Variants in ZNF263 observed in about 807,000 individuals in gnomAD.
ZNF263 encodes zinc finger protein FPM315.
In ZNF263, 49 loss-of-function variants were observed where a neutral mutation model predicts 63.1. The ratio of observed to expected loss-of-function variants is 0.78; its 90% CI spans 0.62 to 0.99. The LOEUF is 0.99. ZNF263 is among the 50% of genes least tolerant of loss of function. The pLI is 0.00. For synonymous variants in ZNF263, 352 were observed against 324.2 expected (o/e 1.09, Z -0.92); for missense variants, 872 against 854.8 (o/e 1.02, Z -0.25).
intron 2 of ZNF263, chr16:3,300,726 AGGCATG>A (rs1959916866): frequency 6.8e-7 from 1 of 1,461,748 alleles, no homozygotes; most frequent in Non-Finnish European, 9.0e-7. Flanking sequence ...AAGCCCCAGA[AGGCATG>A]GGCATTGTAT....
Position 3,283,975 on chromosome 16 carries a change from G to C in ZNF263, c.157G>C (p.Ala53Pro), listed in dbSNP as rs1203985165. The change falls in exon 1 of 6, where the codon GCT becomes CCT. Residue 53 changes from alanine (A) to proline (P), a missense_variant. Transcript: ENST00000219069. ...RFRRFRFQEA[A>P]GPREALSRLQ... The stretch of plus-strand genomic sequence containing the variant: ...CAGACGGTTCCGCTTCCAAGAGGCA[G>C]CTGGTCCCCGGGAAGCCCTCAGCCG... 1 of 1,613,976 alleles carries C rather than the reference G, an allele frequency of 6.2e-7. No homozygotes were observed. Among genetic ancestry groups the C allele is most frequent in the Non-Finnish European group, 8.5e-7 (1 of 1,180,018 alleles).
At chr16:3,285,359 T>G (rs1959307029) in intron 2 of ZNF263, 120 bp downstream of exon 2, 2 of 1,218,418 alleles carry the variant, frequency 1.6e-6, no homozygotes, top group Non-Finnish European at 2.2e-6. Context: ...GGTTCTCACC[T>G]GTGGAATGAA....
chr16:3,288,690 G>T lies in ZNF263; in HGVS notation c.886+120G>T, dbSNP rs150609928. 6.4e-4 allele frequency: 404 copies of T among 635,798 alleles called. 1 individual carries two copies. Among genetic ancestry groups the T allele is most frequent in the Admixed American group, 1.1e-3 (35 of 33,084 alleles). The allele number at this position is 635,798 out of a possible 1,614,324, so 39.4% of individuals were successfully genotyped here. A position where few individuals can be genotyped will look rare whatever the true frequency, so the allele number is the denominator to read the frequency against. Reference sequence around the variant, plus strand: ...GATGGAGTGGCACTCTTGTTGCCCAGGCTGGAGTGCAACAGTGCGATCTCG... The same window carrying T: ...GATGGAGTGGCACTCTTGTTGCCCATGCTGGAGTGCAACAGTGCGATCTCG... On this transcript the variant is annotated intron_variant, in intron 5 of 5. Transcript: ENST00000219069.
intron 2 of ZNF263, chr16:3,300,659 A>G: frequency 6.6e-7 from 1 of 1,525,242 alleles, no homozygotes; most frequent in Non-Finnish European, 8.8e-7. Context: ...ACAAAGGGAA[A>G]AGCCTTAATG....
rs779833427 is a variant in ZNF263 at position 3,289,636 on chromosome 16, T to TC, written c.1132dup (p.His378ProfsTer12). 1.2e-6 allele frequency: 2 copies of TC among 1,614,146 alleles called. No individual in the cohort carries two copies. The highest frequency in any genetic ancestry group is 1.7e-6 in the Non-Finnish European group (2 of 1,180,036). On this transcript the variant is annotated frameshift_variant, in exon 6 of 6. Transcript: ENST00000219069. LOFTEE classifies it high-confidence loss of function. Reference sequence around the variant, plus strand: ...CCGAAGGAACTGCAGCCAAAGAAACTCCATTTATGTCCCTTGTGTGGCAAA... The same window carrying TC: ...CCGAAGGAACTGCAGCCAAAGAAACTCCCATTTATGTCCCTTGTGTGGCAAA...
At position 3,289,524 on chromosome 16, in the gene ZNF263, C is replaced by T. The variant is rs759038312; in HGVS notation, c.1018C>T (p.Arg340Trp). 2.5e-5 allele frequency: 40 copies of T among 1,592,674 alleles called. No individual in the cohort carries two copies. Among genetic ancestry groups the T allele is most frequent in the South Asian group, 8.0e-5 (7 of 87,174 alleles). The change falls in exon 6 of 6, where the codon CGG (arginine) becomes TGG (tryptophan). Residue 340 changes from arginine to tryptophan, a missense_variant. Physicochemically the swap from Arg to Trp is moderately radical, Grantham distance 101. Coordinates refer to ENST00000219069, the MANE Select transcript of ZNF263 (RefSeq NM_005741.5). ...TCCTGAGCTGGGAAGACCTCATGAC[C>T]GGTCGCAAGGGGATTGGGCGCCTCC... ...WSPELGRPHD[R>W]SQGDWAPPPE...
downstream of ZNF263, among the ~76,000 whole-genome samples, chr16:3,295,315 C>T (rs1959714922): frequency 6.6e-6 from 1 of 152,198 alleles, no homozygotes; most frequent in South Asian, 2.1e-4. Flanking sequence ...GGTCCTCCTC[C>T]CGCGGCCGTC....
At chr16:3,294,273 C>G (rs892165316), downstream of ZNF263, among the ~76,000 whole-genome samples, 4 of 152,194 alleles carry the variant, frequency 2.6e-5, no homozygotes, top group Admixed American at 2.6e-4. Context: ...TTAACTGATA[C>G]TACTTTGGAA....
chr16:3,294,276 C>T (rs1959690186), downstream of ZNF263, among the ~76,000 whole-genome samples: 1 of 152,174 alleles, frequency 6.6e-6, no homozygotes, highest in Non-Finnish European at 1.5e-5. Flanking sequence ...ACTGATACTA[C>T]TTTGGAATGT....
Position 3,283,818 on chromosome 16 carries a change from G to T in ZNF263, c.-1G>T. On this transcript the variant is annotated 5_prime_UTR_variant, in exon 1 of 6. Coordinates refer to ENST00000219069, the MANE Select transcript of ZNF263 (RefSeq NM_005741.5). ...GGCTAAGGCGCTCTGGAGACCTGAC[G>T]ATGGCGTCGGGCCCGGGCTCCCAGG... is the stretch of plus-strand genomic sequence containing the variant. 1 of 1,561,906 alleles carries T rather than the reference G, an allele frequency of 6.4e-7. No individual in the cohort carries two copies. The highest frequency in any genetic ancestry group is 8.6e-7 in the Non-Finnish European group (1 of 1,156,664).
chr16:3,291,275 C>T lies in ZNF263; in HGVS notation c.*717C>T, dbSNP rs1399449248. 1.0e-6 allele frequency: 1 copy of T among 985,342 alleles called. No individual in the cohort carries two copies. 61.0% of individuals were successfully genotyped at this position (985,342 alleles called of 1,614,324 possible). On this transcript the variant is annotated 3_prime_UTR_variant, in exon 6 of 6. Coordinates refer to ENST00000219069, the MANE Select transcript of ZNF263 (RefSeq NM_005741.5). Reference sequence around the variant, plus strand: ...AACCCTTTGTGGAGAATGAGATTCCCCCCACCTGTGTGAGAAAAATAAACA... The same window carrying T: ...AACCCTTTGTGGAGAATGAGATTCCTCCCACCTGTGTGAGAAAAATAAACA...
chr16:3,297,488 G>A (rs1468399970), intron 1 of ZNF263, among the ~76,000 whole-genome samples: 2 of 117,658 alleles, frequency 1.7e-5, no homozygotes, highest in East Asian at 5.8e-4. Context: ...TTTTTGAGAC[G>A]GAGTCTCGCT....
In ZNF263 at chr16:3,286,115, G is replaced by T. The variant is rs199602426; in HGVS notation, c.735G>T (p.Thr245=). The part of the protein sequence containing the change: ...DPSKRALSRD[T]VQESYENVDS... ...GTAAGAGGGCCCTCTCCAGGGACAC[G>T]GTGCAGGAGAGTTATGAGAATGTGG... is the stretch of plus-strand genomic sequence containing the variant. Residue 245 remains threonine, a synonymous_variant, in exon 4 of 6, where the codon ACG becomes ACT. Coordinates refer to ENST00000219069, the MANE Select transcript of ZNF263 (RefSeq NM_005741.5). 6.2e-6 allele frequency: 10 copies of T among 1,606,226 alleles called. No homozygotes were observed. Among genetic ancestry groups the T allele is most frequent in the Non-Finnish European group, 7.6e-6 (9 of 1,177,862 alleles).
chr16:3,293,183 C>T (rs1213688341), downstream of ZNF263: 3 of 152,180 alleles, frequency 2.0e-5, no homozygotes, highest in African/African-American at 4.8e-5. Context: ...ATCATGGGGA[C>T]GGTTTTCCCC....
At chr16:3,297,293 CAAAA>C (rs528444112) in intron 1 of ZNF263, among the ~76,000 whole-genome samples, 1 of 53,822 alleles carries the variant, frequency 1.9e-5, no homozygotes. Context: ...GACTCCATCT[CAAAA>C]AAAAAAAAAA....
chr16:3,293,388 C>G (rs562869112), downstream of ZNF263: 2 of 152,332 alleles, frequency 1.3e-5, no homozygotes, highest in South Asian at 2.1e-4. Context: ...TCAATTAAAC[C>G]TCTTTTGTTT....
At chr16:3,300,800 G>GACTA in intron 2 of ZNF263, 1 of 1,021,594 alleles carries the variant, frequency 9.8e-7, no homozygotes, top group Non-Finnish European at 1.4e-6. Context: ...TAGAGGTGGA[G>GACTA]GTCTTATGCA....
rs1449677035 is a variant in ZNF263, at chr16:3,285,170, C to T, written c.499C>T (p.Pro167Ser). 1 of 1,614,076 alleles carries T rather than the reference C, an allele frequency of 6.2e-7. No homozygotes were observed. Among genetic ancestry groups the T allele is most frequent in the African/African-American group, 1.3e-5 (1 of 75,040 alleles). ...GGAGCCAATGGAGACTGAGCGAAGC[C>T]CTGGCCCCAGGCTGCAGGAGCTGCT... ...KLEPMETERS[P>S]GPRLQELLGP... is the part of the protein sequence containing the mutation. The change falls in exon 2 of 6, where the codon CCT becomes TCT. Residue 167 changes from proline to serine, a missense_variant. Physicochemically the swap from Pro to Ser is moderately conservative, Grantham distance 74. Coordinates refer to ENST00000219069, the MANE Select transcript of ZNF263 (RefSeq NM_005741.5).
rs1464048143 is a variant in ZNF263, at chr16:3,289,445, C to T, written c.939C>T (p.Asn313=). 2 of 1,526,262 alleles carry T rather than the reference C, an allele frequency of 1.3e-6. No individual in the cohort carries two copies. Among genetic ancestry groups the T allele is most frequent in the African/African-American group, 1.4e-5 (1 of 71,906 alleles). The allele number at this position is 1,526,262 out of a possible 1,614,324, so 94.5% of individuals were successfully genotyped here. A position where few individuals can be genotyped will look rare whatever the true frequency, so the allele number is the denominator to read the frequency against. ...GTGTTCCGTCTGTATGCTCTGAGAA[C>T]ATCCACCCTCAGGTGCTGCTTCCTG... ...LEGVPSVCSE[N]IHPQVLLPDQ... The change falls in exon 6 of 6, where the codon AAC becomes AAT. Residue 313 remains asparagine, a synonymous_variant. Coordinates refer to ENST00000219069, the MANE Select transcript of ZNF263 (RefSeq NM_005741.5).
Sources: gnomAD v4.1 joint callset for allele counts (sites outside exome capture counted in the v4.1 genomes callset) on GRCh38, gnomAD v4.1.1 for gene constraint, MANE v1.5 for transcripts, NCBI Gene and HGNC (gene_info 2026-07-23, HGNC 2026-07-21) for gene names.